Variants in NAALADL2 observed in about 807,000 individuals in gnomAD.
NAALADL2 encodes inactive N-acetylated-alpha-linked acidic dipeptidase-like protein 2.
NAALADL2 carries 76 observed loss-of-function variants against 87.2 expected under a neutral mutation model. The observed-to-expected ratio is 0.87, with a 90% confidence interval of 0.72 to 1.05. The LOEUF (loss-of-function observed/expected upper bound fraction) is 1.05. Among genes scored for constraint, NAALADL2 ranks in the 50% least tolerant of loss-of-function variants. The pLI, the probability that NAALADL2 is intolerant of heterozygous loss-of-function variation, is 0.00. For missense variants in NAALADL2, 1,089 were observed against 945.8 expected (o/e 1.15, Z -1.99); for synonymous variants, 354 against 331.0 (o/e 1.07, Z -0.75).
In NAALADL2 at chr3:174,909,989, A is replaced by G. The variant is rs142596322; in HGVS notation, c.43+50539A>G. ...CCTTCAAGTGTCATATAATTCAAAT[A>G]GAGATTATAAAGAATCACATATGCA... On this transcript the variant is annotated intron_variant, in intron 1 of 13. Coordinates refer to ENST00000454872, the MANE Select transcript of NAALADL2 (RefSeq NM_207015.3). Among the ~76,000 whole-genome samples, 181 of 152,246 alleles carry G rather than the reference A, an allele frequency of 1.2e-3. 1 individual carries two copies. Among genetic ancestry groups the G allele is most frequent in the African/African-American group, 4.1e-3 (171 of 41,528 alleles).
chr3:175,652,875 G>A (rs1185702570), intron 11 of NAALADL2, among the ~76,000 whole-genome samples: 2 of 151,976 alleles, frequency 1.3e-5, no homozygotes, highest in Non-Finnish European at 2.9e-5. Flanking sequence ...CTACTCATGG[G>A]GTTGAAAATG....
intron 5 of NAALADL2, among the ~76,000 whole-genome samples, chr3:175,367,769 G>T (rs1280068858): frequency 2.0e-5 from 3 of 152,182 alleles, no homozygotes; most frequent in Non-Finnish European, 4.4e-5. Context: ...AGACAATGGG[G>T]TTTTCTAGAT....
intron 1 of NAALADL2, among the ~76,000 whole-genome samples, chr3:174,960,161 A>G (rs1203863928): frequency 2.0e-5 from 3 of 152,072 alleles, no homozygotes. Context: ...TAAAGTCTAG[A>G]TTCTACATTA....
intron 3 of NAALADL2, among the ~76,000 whole-genome samples, chr3:174,852,506 C>G (rs974256160): frequency 6.6e-6 from 1 of 151,854 alleles, no homozygotes; most frequent in Admixed American, 6.6e-5. Flanking sequence ...TAAACTTAAC[C>G]AAATAAGTGA....
intron 6 of NAALADL2, chr3:175,460,093 A>G: frequency 2.2e-6 from 1 of 452,376 alleles, no homozygotes; most frequent in Non-Finnish European, 4.4e-6. Flanking sequence ...ATTTCTAAGT[A>G]CAGGATTGCT....
chr3:175,627,597 T>C (rs2149716448), intron 11 of NAALADL2, among the ~76,000 whole-genome samples: 1 of 151,684 alleles, frequency 6.6e-6, no homozygotes, highest in South Asian at 2.1e-4. Context: ...TATGATCATT[T>C]GTATTACAAA....
At chr3:175,161,464 C>T (rs983514648) in intron 2 of NAALADL2, among the ~76,000 whole-genome samples, 12 of 152,106 alleles carry the variant, frequency 7.9e-5, no homozygotes, top group African/African-American at 2.9e-4. Flanking sequence ...AGATAATTAT[C>T]GAAATAGCTC....
chr3:175,293,495 T>G (rs949272154), intron 4 of NAALADL2, among the ~76,000 whole-genome samples: 3 of 152,248 alleles, frequency 2.0e-5, no homozygotes, highest in Middle Eastern at 3.2e-3. Context: ...TACATTTTTT[T>G]GAGCAACAAC....
intron 1 of NAALADL2, among the ~76,000 whole-genome samples, chr3:174,497,504 T>A (rs73052631): frequency 0.016 from 2,444 of 152,196 alleles, 67 homozygotes; most frequent in African/African-American, 0.057. Context: ...TCATTACTTA[T>A]CCTTTATTGT....
At chr3:175,504,553 G>A (rs1267505422) in intron 9 of NAALADL2, among the ~76,000 whole-genome samples, 1 of 109,256 alleles carries the variant, frequency 9.2e-6, no homozygotes, top group South Asian at 2.9e-4. Context: ...CTTTCTCTCT[G>A]TCTCTCTCTG....
At chr3:175,419,992 A>G (rs1715380724) in intron 5 of NAALADL2, among the ~76,000 whole-genome samples, 1 of 152,048 alleles carries the variant, frequency 6.6e-6, no homozygotes, top group Non-Finnish European at 1.5e-5. Context: ...AATTTTTTTA[A>G]TGAAAGTTCA....
chr3:175,269,057 G>A (rs538452590), intron 4 of NAALADL2, among the ~76,000 whole-genome samples: 59 of 151,480 alleles, frequency 3.9e-4, no homozygotes, highest in African/African-American at 1.3e-3. Context: ...TCTTGCCTCA[G>A]CCTCCCAAGT....
chr3:175,445,090 AAAAT>A (rs1720476408), intron 5 of NAALADL2, among the ~76,000 whole-genome samples: 1 of 152,218 alleles, frequency 6.6e-6, no homozygotes, highest in South Asian at 2.1e-4. Flanking sequence ...AAAGTTCTGA[AAAAT>A]ATAGCACTGC....
chr3:174,656,837 T>C (rs1036906747), intron 2 of NAALADL2, among the ~76,000 whole-genome samples: 2 of 152,086 alleles, frequency 1.3e-5, no homozygotes, highest in Non-Finnish European at 2.9e-5. Context: ...GCTTCCATAA[T>C]TATCAACATA....
chr3:174,719,183 C>T (rs767089329), intron 2 of NAALADL2, among the ~76,000 whole-genome samples: 1 of 152,054 alleles, frequency 6.6e-6, no homozygotes, highest in South Asian at 2.1e-4. Context: ...TAAAAATATT[C>T]AGGTTATTTG....
intron 1 of NAALADL2, among the ~76,000 whole-genome samples, chr3:175,085,344 G>A (rs1718672761): frequency 2.6e-5 from 4 of 152,126 alleles, no homozygotes; most frequent in South Asian, 2.1e-4. Flanking sequence ...ACTCTTTACC[G>A]TAGTGAAACT....
intron 4 of NAALADL2, among the ~76,000 whole-genome samples, chr3:175,292,893 C>A (rs1304234210): frequency 6.6e-6 from 1 of 151,540 alleles, no homozygotes; most frequent in Non-Finnish European, 1.5e-5. Context: ...AAAAATAAGC[C>A]GGGCTTGGTG....
chr3:175,558,763 A>T (rs536217875), intron 9 of NAALADL2, among the ~76,000 whole-genome samples: 1 of 152,248 alleles, frequency 6.6e-6, no homozygotes, highest in South Asian at 2.1e-4. Context: ...TGGATTCTCT[A>T]TTCTGTTCCA....
intron 2 of NAALADL2, among the ~76,000 whole-genome samples, chr3:174,694,781 T>TAAC (rs1728875334): frequency 2.0e-5 from 3 of 152,160 alleles, no homozygotes; most frequent in Admixed American, 6.5e-5. Context: ...AGTGTGTTTT[T>TAAC]ATGTTAAATT....
Sources: allele counts gnomAD v4.1 joint callset (sites outside exome capture counted in the v4.1 genomes callset), GRCh38; gene constraint gnomAD v4.1.1; transcripts MANE v1.5; gene names NCBI Gene and HGNC (gene_info 2026-07-23, HGNC 2026-07-21).